PDE4D: variants seen among roughly 807,000 people sequenced by gnomAD.
PDE4D encodes 3',5'-cyclic-AMP phosphodiesterase 4D.
PDE4D carries 24 observed loss-of-function variants against 87.4 expected under a neutral mutation model. That is an observed-to-expected ratio of 0.27 (90% CI 0.20 to 0.39). The LOEUF (loss-of-function observed/expected upper bound fraction) is 0.39. Ranked by LOEUF, PDE4D falls within the 10% of genes least tolerant of loss-of-function variation. The pLI is 1.00. For synonymous variants in PDE4D, 384 were observed against 383.2 expected (o/e 1.00, Z -0.02); for missense variants, 714 against 1,041.0 (o/e 0.69, Z 4.32).
At chr5:60,096,353 G>A (rs1775681356) in intron 2 of PDE4D, among the ~76,000 whole-genome samples, 1 of 152,016 alleles carries the variant, frequency 6.6e-6, no homozygotes, top group African/African-American at 2.4e-5. Flanking sequence ...AAACTGGCTA[G>A]CCATATGCAG....
intron 1 of PDE4D, among the ~76,000 whole-genome samples, chr5:60,373,542 A>C (rs997642047): frequency 2.0e-5 from 3 of 152,224 alleles, no homozygotes; most frequent in African/African-American, 7.2e-5. Context: ...TTACAAATAT[A>C]GACTACCTGA....
intron 1 of PDE4D, among the ~76,000 whole-genome samples, chr5:59,516,997 GTAAA>G (rs1811286548): frequency 6.6e-6 from 1 of 151,778 alleles, no homozygotes; most frequent in African/African-American, 2.4e-5. Context: ...TTAAAATACG[GTAAA>G]TATTTTCTAA....
intron 1 of PDE4D, among the ~76,000 whole-genome samples, chr5:59,311,569 T>C (rs1772651211): frequency 6.6e-6 from 1 of 150,950 alleles, no homozygotes; most frequent in African/African-American, 2.4e-5. Context: ...TCTTTCCTCT[T>C]CCTTACTCTT....
At position 60,370,783 on chromosome 5, in the gene PDE4D, G is replaced by A. The variant is rs150221515; in HGVS notation, c.-90+117159C>T. 4.3e-3 allele frequency among the ~76,000 whole-genome samples: 659 copies of A among 152,130 alleles called. 4 individuals are homozygous for A. Among genetic ancestry groups the A allele is most frequent in the Non-Finnish European group, 5.2e-3 (357 of 68,006 alleles). ...TATGTGTGTGTGTGTGTGTGCGTGC[G>A]TGCATGCCCACTTGTGTGTAAGAGA... On this transcript the variant is annotated intron_variant, in intron 1 of 16. Coordinates refer to the PDE4D transcript ENST00000502484.
intron 1 of PDE4D, among the ~76,000 whole-genome samples, chr5:59,885,915 T>G (rs1581594172): frequency 6.6e-6 from 1 of 152,232 alleles, no homozygotes; most frequent in African/African-American, 2.4e-5. Flanking sequence ...CAAGTCCAAG[T>G]TCTATCTTTG....
intron 3 of PDE4D, among the ~76,000 whole-genome samples, chr5:59,969,395 T>C (rs1760441093): frequency 1.3e-5 from 2 of 152,200 alleles, no homozygotes; most frequent in Admixed American, 1.3e-4. Flanking sequence ...TAAAAAGCTG[T>C]GAATATAATT....
At position 60,435,750 on chromosome 5, in the gene PDE4D, T is replaced by C. The variant is rs1339965570; in HGVS notation, c.-90+52192A>G. Among the ~76,000 whole-genome samples, 5 of 152,108 alleles carry C rather than the reference T, an allele frequency of 3.3e-5. 1 individual carries two copies. The highest frequency in any genetic ancestry group is 1.3e-4 in the Admixed American group (2 of 15,260). On this transcript the variant is annotated intron_variant, in intron 1 of 16. Coordinates refer to the PDE4D transcript ENST00000502484. ...ATGGAGTATGTAGCTTTCAAGATTT[T>C]TTTTTAGAAATTAAAGTCCAATATT...
chr5:59,487,944 A>T (rs1805437628), intron 1 of PDE4D, among the ~76,000 whole-genome samples: 1 of 152,172 alleles, frequency 6.6e-6, no homozygotes, highest in Non-Finnish European at 1.5e-5. Context: ...ACTGTCTGCC[A>T]TAGTATTTCT....
intron 1 of PDE4D, among the ~76,000 whole-genome samples, chr5:59,511,350 A>C (rs1810252855): frequency 6.6e-6 from 1 of 152,020 alleles, no homozygotes; most frequent in South Asian, 2.1e-4. Context: ...TTTAGAAAGT[A>C]AGATAAAAAG....
intron 5 of PDE4D, among the ~76,000 whole-genome samples, chr5:59,132,655 T>C (rs1776448653): frequency 1.3e-5 from 2 of 152,206 alleles, no homozygotes; most frequent in African/African-American, 4.8e-5. Context: ...AAAGTTCCTG[T>C]TTGCTATTCC....
At chr5:60,231,245 A>C (rs953185621) in intron 1 of PDE4D, among the ~76,000 whole-genome samples, 1 of 151,970 alleles carries the variant, frequency 6.6e-6, no homozygotes, top group Non-Finnish European at 1.5e-5. Context: ...TGTCCTAGCT[A>C]TAGTGATTAG....
At chr5:59,687,878 A>G (rs948092168) in intron 1 of PDE4D, among the ~76,000 whole-genome samples, 7 of 152,202 alleles carry the variant, frequency 4.6e-5, no homozygotes, top group Non-Finnish European at 8.8e-5. Flanking sequence ...AGGAAGATCT[A>G]CCAAGCACAT....
At chr5:59,630,224 C>T (rs952783896) in intron 1 of PDE4D, among the ~76,000 whole-genome samples, 1 of 152,188 alleles carries the variant, frequency 6.6e-6, no homozygotes, top group Non-Finnish European at 1.5e-5. Flanking sequence ...TTATAGCTTA[C>T]ATTTTAGATT....
chr5:60,250,208 A>T lies in PDE4D; in HGVS notation c.-89-64521T>A, dbSNP rs930863995. On this transcript the variant is annotated intron_variant, in intron 1 of 16. Transcript: ENST00000502484. ...TAAGTTATTACTCATTTTTCCTAAT[A>T]CTGTGCAGATAATATAACAACAATA... 4.6e-5 allele frequency among the ~76,000 whole-genome samples: 7 copies of T among 152,104 alleles called. No individual in the cohort carries two copies. In the East Asian group the frequency reaches 7.8e-4, roughly 17 times the overall value.
intron 1 of PDE4D, among the ~76,000 whole-genome samples, chr5:59,752,116 A>G (rs1006353189): frequency 6.6e-6 from 1 of 152,132 alleles, no homozygotes; most frequent in African/African-American, 2.4e-5. Flanking sequence ...ATATTCTAAC[A>G]CCTGTTAGGT....
intron 5 of PDE4D, among the ~76,000 whole-genome samples, chr5:59,050,136 G>A (rs957552041): frequency 6.6e-6 from 1 of 152,166 alleles, no homozygotes; most frequent in Admixed American, 6.5e-5. Flanking sequence ...GCATGGTGGC[G>A]GGTGCCTGTA....
At chr5:60,378,861 A>G (rs1297327792) in intron 1 of PDE4D, among the ~76,000 whole-genome samples, 1 of 152,082 alleles carries the variant, frequency 6.6e-6, no homozygotes, top group Non-Finnish European at 1.5e-5. Flanking sequence ...TCAAAAACTA[A>G]AAAGAAAAAG....
In PDE4D at chr5:59,957,050, T is replaced by A. The variant is rs1230051250; in HGVS notation, c.272+31438A>T. ...ACTTATGGAATTCTTTGTGTTTTGATGTGACAAGGACAAAAGGCTTCTTTT... is the reference window on the plus strand; with the variant it reads ...ACTTATGGAATTCTTTGTGTTTTGAAGTGACAAGGACAAAAGGCTTCTTTT... On this transcript the variant is annotated intron_variant, in intron 3 of 16. Transcript: ENST00000502484. Among the ~76,000 whole-genome samples the A allele has an allele frequency of 2.0e-5, 3 of 152,326 alleles. No homozygotes were observed. In the East Asian group the frequency reaches 5.8e-4, roughly 29 times the overall value.
intron 5 of PDE4D, among the ~76,000 whole-genome samples, chr5:59,045,484 T>C (rs1760455991): frequency 7.3e-6 from 1 of 137,182 alleles, no homozygotes; most frequent in Non-Finnish European, 1.5e-5. Context: ...ACCTGGGAGA[T>C]AGAGGTTGCA....
Sources: allele counts gnomAD v4.1 joint callset (sites outside exome capture counted in the v4.1 genomes callset), GRCh38; gene constraint gnomAD v4.1.1; transcripts MANE v1.5; gene names NCBI Gene and HGNC (gene_info 2026-07-23, HGNC 2026-07-21).